CCSER2: variants seen among roughly 807,000 people sequenced by gnomAD.
The protein encoded by CCSER2 is serine-rich coiled-coil domain-containing protein 2.
In CCSER2, 46 loss-of-function variants were observed where a neutral mutation model predicts 92.3. The observed-to-expected ratio is 0.50, with a 90% CI of 0.39 to 0.64. The LOEUF is 0.64. Among genes scored for constraint, CCSER2 ranks in the 30% least tolerant of loss-of-function variants. The pLI is 0.00. For missense variants in CCSER2, 1,244 were observed against 1,238.9 expected, an observed-to-expected ratio of 1.00 and a Z score of -0.06; for synonymous variants, 433 against 431.4, an observed-to-expected ratio of 1.00 and a Z score of -0.04.
chr10:84,424,013 A>G (rs1339792183), intron 4 of CCSER2, among the ~76,000 whole-genome samples: 1 of 147,456 alleles, frequency 6.8e-6, no homozygotes, highest in Non-Finnish European at 1.5e-5. Flanking sequence ...AAGACTCTCC[A>G]TGGCGGCTTG....
chr10:84,498,653 A>G (rs1848574167), intron 9 of CCSER2, among the ~76,000 whole-genome samples: 1 of 152,234 alleles, frequency 6.6e-6, no homozygotes, highest in Admixed American at 6.5e-5. Context: ...TTTTTAATAC[A>G]ATATTATTTT....
chr10:84,355,579 G>T (rs1845123005), intron 1 of CCSER2, among the ~76,000 whole-genome samples: 1 of 151,940 alleles, frequency 6.6e-6, no homozygotes, highest in Non-Finnish European at 1.5e-5. Flanking sequence ...CCCTTCTCTT[G>T]TCTACATGTC....
intron 9 of CCSER2, among the ~76,000 whole-genome samples, chr10:84,502,625 C>T (rs1477914275): frequency 6.6e-6 from 1 of 151,954 alleles, no homozygotes; most frequent in Admixed American, 6.6e-5. Flanking sequence ...CCTGGCTGGG[C>T]CTCCCAAAGT....
At chr10:84,343,180 C>T (rs969995866) in intron 1 of CCSER2, among the ~76,000 whole-genome samples, 1 of 152,146 alleles carries the variant, frequency 6.6e-6, no homozygotes, top group African/African-American at 2.4e-5. Context: ...GTTTCTTGTT[C>T]ATACCTATTC....
rs770312577 is a variant in CCSER2, at chr10:84,373,765, G to A, written c.1564G>A (p.Gly522Arg). 1 of 1,613,720 alleles carries A rather than the reference G, an allele frequency of 6.2e-7. No homozygotes were observed. The highest frequency in any genetic ancestry group is 8.5e-7 in the Non-Finnish European group (1 of 1,179,730). Residue 522 changes from glycine (G) to arginine (R), a missense_variant, in exon 3 of 10, where the codon GGA becomes AGA. Physicochemically the swap from Gly to Arg is moderately radical, Grantham distance 125. Transcript: ENST00000372088. The stretch of plus-strand genomic sequence containing the variant: ...GGATGAAGAAGGCTTGGAACCCATT[G>A]GAAATGTCCATCCAGTTGGGAGCTA... Reference protein sequence around the residue: ...MWDEEGLEPIGNVHPVGSYES... With the variant: ...MWDEEGLEPIRNVHPVGSYES...
chr10:84,513,123 C>G (rs922401443), intron 9 of CCSER2, among the ~76,000 whole-genome samples: 3 of 152,134 alleles, frequency 2.0e-5, no homozygotes, highest in African/African-American at 7.2e-5. Flanking sequence ...ATCATTCTGT[C>G]AAGCTCTAAG....
In CCSER2 at chr10:84,449,230, C is replaced by G. The variant is rs186146811; in HGVS notation, c.2064+10523C>G. Among the ~76,000 whole-genome samples the G allele has an allele frequency of 5.3e-5, 8 of 152,140 alleles. No homozygotes were observed. The East Asian group carries it at 1.6e-3, about 30-fold the overall frequency. On this transcript the variant is annotated intron_variant, in intron 6 of 9. Coordinates refer to ENST00000372088, the MANE Select transcript of CCSER2 (RefSeq NM_001284240.2). ...TTTCTACTAAAAATACAAAAATTAG[C>G]CAGGCATGGTGGCGTGTGCCTGTAG...
chr10:84,509,371 A>G (rs1849231827), intron 9 of CCSER2, among the ~76,000 whole-genome samples: 1 of 152,192 alleles, frequency 6.6e-6, no homozygotes, highest in Non-Finnish European at 1.5e-5. Context: ...AGAAATACCA[A>G]CTATAACGAA....
intron 3 of CCSER2, among the ~76,000 whole-genome samples, chr10:84,402,607 A>G (rs567733606): frequency 6.6e-6 from 1 of 152,356 alleles, no homozygotes; most frequent in East Asian, 1.9e-4. Flanking sequence ...GCAAAATATA[A>G]CATCAATTAA....
intron 1 of CCSER2, among the ~76,000 whole-genome samples, chr10:84,367,640 G>A (rs1050741739): frequency 6.6e-6 from 1 of 151,064 alleles, no homozygotes; most frequent in Non-Finnish European, 1.5e-5. Context: ...TAGCCTCCTC[G>A]ATATACTCTT....
At chr10:84,504,393 T>A (rs1225128906) in intron 9 of CCSER2, among the ~76,000 whole-genome samples, 1 of 151,950 alleles carries the variant, frequency 6.6e-6, no homozygotes, top group Non-Finnish European at 1.5e-5. Flanking sequence ...ATTAATAGAG[T>A]GGCTTAAATG....
intron 3 of CCSER2, among the ~76,000 whole-genome samples, chr10:84,416,257 G>A (rs1231242973): frequency 1.3e-5 from 2 of 152,108 alleles, no homozygotes; most frequent in Non-Finnish European, 2.9e-5. Context: ...CATTTTCTGT[G>A]GGTCAGGCTG....
chr10:84,340,445 G>A (rs927578551), intron 1 of CCSER2, among the ~76,000 whole-genome samples: 4 of 146,366 alleles, frequency 2.7e-5, no homozygotes, highest in Admixed American at 1.4e-4. Context: ...GGGAATTTAC[G>A]CCATTCAATT....
At chr10:84,451,602 T>A (rs553654121) in intron 6 of CCSER2, among the ~76,000 whole-genome samples, 1 of 152,276 alleles carries the variant, frequency 6.6e-6, no homozygotes, top group South Asian at 2.1e-4. Context: ...AGGAATATCT[T>A]TAAGTGCCAA....
At chr10:84,509,079 C>T (rs1393682924) in intron 9 of CCSER2, among the ~76,000 whole-genome samples, 3 of 152,174 alleles carry the variant, frequency 2.0e-5, no homozygotes, top group Non-Finnish European at 4.4e-5. Flanking sequence ...TTGTGTATAA[C>T]ATGCAGTCAG....
chr10:84,398,196 C>T (rs1320114273), intron 3 of CCSER2, among the ~76,000 whole-genome samples: 1 of 152,196 alleles, frequency 6.6e-6, no homozygotes, highest in African/African-American at 2.4e-5. Context: ...TGGTTCATGA[C>T]TTCCTTCCTC....
intron 1 of CCSER2, among the ~76,000 whole-genome samples, chr10:84,356,101 C>CAAA (rs57079136): frequency 4.8e-5 from 4 of 84,080 alleles, no homozygotes; most frequent in African/African-American, 7.3e-5. Flanking sequence ...GAAACTGTCT[C>CAAA]AAAAAAAAAA....
In CCSER2 at chr10:84,431,083, T is replaced by C. The variant is rs186856999; in HGVS notation, c.1868+5190T>C. Among the ~76,000 whole-genome samples the C allele has an allele frequency of 2.6e-3, 402 of 152,328 alleles. 1 individual carries two copies. The highest frequency in any genetic ancestry group is 4.1e-3 in the Non-Finnish European group (276 of 68,028). ...CTCCTATGATTAACATCTTGCATGA[T>C]TGTATTATAATTGATGAGTCAATAT... On this transcript the variant is annotated intron_variant, in intron 5 of 9. Transcript: ENST00000372088.
At chr10:84,487,873 G>A (rs558667062) in intron 9 of CCSER2, among the ~76,000 whole-genome samples, 1 of 152,140 alleles carries the variant, frequency 6.6e-6, no homozygotes, top group African/African-American at 2.4e-5. Context: ...ATTGGCTGTG[G>A]GTTTTTCATA....
Sources: gnomAD v4.1 joint callset for allele counts (sites outside exome capture counted in the v4.1 genomes callset) on GRCh38, gnomAD v4.1.1 for gene constraint, MANE v1.5 for transcripts, NCBI Gene and HGNC (gene_info 2026-07-23, HGNC 2026-07-21) for gene names.